Variants in DDIAS observed in about 807,000 individuals in gnomAD.
DDIAS encodes DNA damage-induced apoptosis suppressor protein.
DDIAS carries 14 observed loss-of-function variants against 15.7 expected under a neutral mutation model. The observed-to-expected ratio is 0.89, with a 90% CI of 0.59 to 1.39. The LOEUF (loss-of-function observed/expected upper bound fraction) is 1.39, where lower values mean the gene tolerates loss of function less well. DDIAS is among the 40% of genes most tolerant of loss of function. The probability of loss-of-function intolerance (pLI) is 0.00; values close to 1 mark genes in which losing one functional copy is unlikely to be tolerated. For synonymous variants in DDIAS, 355 were observed against 395.9 expected (o/e 0.90, Z 1.23); for missense variants, 1,035 against 1,130.9 (o/e 0.92, Z 1.22).
rs1861047348 is a variant in DDIAS, at chr11:82,933,505, C to G, written c.2167C>G (p.Leu723Val). 1.9e-6 allele frequency: 3 copies of G among 1,613,990 alleles called. No homozygotes were observed. The highest frequency in any genetic ancestry group is 2.5e-6 in the Non-Finnish European group (3 of 1,179,976). Reference sequence around the variant, plus strand: ...AGAGTCTGATTTTTCACTGAGATCACTTTCTGAAGACTTCATCCAGCCTTC... The same window carrying G: ...AGAGTCTGATTTTTCACTGAGATCAGTTTCTGAAGACTTCATCCAGCCTTC... ...PSESDFSLRS[L>V]SEDFIQPSQK... Residue 723 changes from leucine (L) to valine (V), a missense_variant, in exon 6 of 6, where the codon CTT becomes GTT. Transcript: ENST00000533655.
intron 1 of DDIAS, among the ~76,000 whole-genome samples, chr11:82,910,845 A>G (rs1860519989): frequency 6.6e-6 from 1 of 151,880 alleles, no homozygotes; most frequent in African/African-American, 2.4e-5. Flanking sequence ...TTTTAAAAAG[A>G]AAGTATAAAG....
intron 3 of DDIAS, among the ~76,000 whole-genome samples, chr11:82,922,876 G>A (rs562849011): frequency 1.6e-4 from 25 of 152,262 alleles, no homozygotes; most frequent in African/African-American, 6.0e-4. Context: ...TGTCCCACAG[G>A]ATGTTCCCTT....
At chr11:82,910,592 T>TTCTCTCTC (rs201976654) in intron 1 of DDIAS, among the ~76,000 whole-genome samples, 152 of 139,364 alleles carry the variant, frequency 1.1e-3, no homozygotes, top group African/African-American at 4.2e-3. Flanking sequence ...TTTTAATTTT[T>TTCTCTCTC]TCTCTCTCTC....
chr11:82,924,513 C>T (rs886257309), intron 3 of DDIAS, among the ~76,000 whole-genome samples: 1 of 152,142 alleles, frequency 6.6e-6, no homozygotes, highest in Non-Finnish European at 1.5e-5. Flanking sequence ...TATAAGTACG[C>T]TAGAAAAATA....
At chr11:82,930,754 A>AG (rs112089118) in intron 5 of DDIAS, among the ~76,000 whole-genome samples, 16 of 150,862 alleles carry the variant, frequency 1.1e-4, no homozygotes, top group African/African-American at 3.6e-4. Context: ...GTTAAAAAAA[A>AG]AAGAAGTTAC....
chr11:82,920,842 G>A (rs1435633332), intron 3 of DDIAS, among the ~76,000 whole-genome samples: 3 of 152,166 alleles, frequency 2.0e-5, no homozygotes, highest in Non-Finnish European at 4.4e-5. Flanking sequence ...AATAGAATGT[G>A]TAATCTGCGG....
intron 3 of DDIAS, among the ~76,000 whole-genome samples, chr11:82,926,114 G>T (rs1860857208): frequency 7.9e-6 from 1 of 126,758 alleles, no homozygotes; most frequent in Non-Finnish European, 1.6e-5. Context: ...TTGAGACAGG[G>T]TCTGGCTCTG....
Position 82,931,719 on chromosome 11 carries a change from GCTT to G in DDIAS, c.394-9_394-7del. 2 of 1,562,212 alleles carry G rather than the reference GCTT, an allele frequency of 1.3e-6. No homozygotes were observed. Among genetic ancestry groups the G allele is most frequent in the Non-Finnish European group, 1.7e-6 (2 of 1,158,862 alleles). On this transcript the variant is annotated splice_polypyrimidine_tract_variant and intron_variant, in intron 5 of 5. Coordinates refer to ENST00000533655, the MANE Select transcript of DDIAS (RefSeq NM_145018.4). ...ATTTTATTCTTACTTAAATTTCTTT[GCTT>G]CTTTCACAGAATTTTGAAAACCAAC...
chr11:82,904,061 G>A (rs1310902398), intron 1 of DDIAS, among the ~76,000 whole-genome samples: 1 of 152,216 alleles, frequency 6.6e-6, no homozygotes, highest in Non-Finnish European at 1.5e-5. Flanking sequence ...GAAGGCATGA[G>A]TTCCAGACCT....
intron 1 of DDIAS, among the ~76,000 whole-genome samples, chr11:82,904,013 A>G (rs1018008641): frequency 6.6e-6 from 1 of 152,254 alleles, no homozygotes; most frequent in African/African-American, 2.4e-5. Context: ...TTGAGCAAAG[A>G]GAGTAATGGA....
chr11:82,917,269 C>T (rs1860651045), intron 3 of DDIAS, among the ~76,000 whole-genome samples: 1 of 151,978 alleles, frequency 6.6e-6, no homozygotes, highest in Admixed American at 6.6e-5. Context: ...TACACTGCAC[C>T]CTATTTGTAG....
Position 82,932,183 on chromosome 11 carries a change from C to A in DDIAS, c.845C>A (p.Ala282Asp). Residue 282 changes from alanine to aspartate, a missense_variant, in exon 6 of 6, where the codon GCC (alanine) becomes GAC (aspartate). By Grantham distance (126) the Ala-to-Asp change is moderately radical. Transcript: ENST00000533655. Reference sequence around the variant, plus strand: ...AGAAAGTCCATCTCCATTGCAGAGGCCACTGGTTCCAGTAGCTGCCATGAT... The same window carrying A: ...AGAAAGTCCATCTCCATTGCAGAGGACACTGGTTCCAGTAGCTGCCATGAT... Reference protein sequence around the residue: ...QNRKSISIAEATGSSSCHDPI... With the variant: ...QNRKSISIAEDTGSSSCHDPI... The A allele has an allele frequency of 6.2e-7, 1 of 1,614,160 alleles. No individual in the cohort carries two copies.
intron 4 of DDIAS, 115 bp from the exon 5 acceptor site, chr11:82,930,038 CTTTT>C: frequency 1.7e-6 from 1 of 600,738 alleles, no homozygotes. Context: ...CTTAAAGTCA[CTTTT>C]TTTCCTCTAT....
In DDIAS at chr11:82,932,273, G is replaced by A; in HGVS notation, c.935G>A (p.Gly312Asp). Residue 312 changes from glycine (G) to aspartate (D), a missense_variant, in exon 6 of 6, where the codon GGT becomes GAT. Physicochemically the swap from Gly to Asp is moderately conservative, Grantham distance 94. Transcript: ENST00000533655. Reference protein sequence around the residue: ...MDKKSTAEKLGKELGLQAKEL... With the variant: ...MDKKSTAEKLDKELGLQAKEL... The stretch of plus-strand genomic sequence containing the variant: ...AAAAAGAGTACAGCAGAAAAGTTGG[G>A]TAAAGAACTTGGCTTACAAGCTAAG... 1.2e-6 allele frequency: 2 copies of A among 1,613,702 alleles called. No homozygotes were observed. The highest frequency in any genetic ancestry group is 2.7e-5 in the African/African-American group (2 of 75,018).
chr11:82,924,187 G>C lies in DDIAS; in HGVS notation c.114-4590G>C, dbSNP rs182636991. On this transcript the variant is annotated intron_variant, in intron 3 of 5. Transcript: ENST00000533655. ...AGTTTTCTTACTTTGTGGGGGAAGT[G>C]ATATGTGGAAGCATTAAGAGATATG... Among the ~76,000 whole-genome samples the C allele has an allele frequency of 5.9e-5, 9 of 152,294 alleles. No homozygotes were observed. The East Asian group carries it at 1.7e-3, about 29-fold the overall frequency.
At chr11:82,928,368 T>G (rs1860912413) in intron 3 of DDIAS, among the ~76,000 whole-genome samples, 1 of 151,488 alleles carries the variant, frequency 6.6e-6, no homozygotes, top group South Asian at 2.1e-4. Context: ...CCATCTAATT[T>G]TTATGTATTT....
At chr11:82,925,903 G>T (rs1020799928) in intron 3 of DDIAS, among the ~76,000 whole-genome samples, 174 of 151,202 alleles carry the variant, frequency 1.2e-3, no homozygotes, top group African/African-American at 3.9e-3. Flanking sequence ...CAGGAGAATC[G>T]CCTGAACCCA....
At position 82,932,097 on chromosome 11, in the gene DDIAS, AG is replaced by A. The variant is rs1861002359; in HGVS notation, c.760del (p.Asp254IlefsTer69). ...EFTCIVSQLT[D>X]NDDFSASEQS... ...TCACTTGCATTGTTTCACAACTAAC[AG>A]ATAATGATGATTTTTCAGCTTCAGA... is the stretch of plus-strand genomic sequence containing the variant. On this transcript the variant is annotated frameshift_variant, in exon 6 of 6. Transcript: ENST00000533655. LOFTEE classifies it low-confidence loss of function (END_TRUNC). The A allele has an allele frequency of 6.2e-7, 1 of 1,614,066 alleles. No homozygotes were observed. Among genetic ancestry groups the A allele is most frequent in the Non-Finnish European group, 8.5e-7 (1 of 1,180,022 alleles).
At position 82,914,765 on chromosome 11, in the gene DDIAS, A is replaced by G. The variant is rs1860599274; in HGVS notation, c.27A>G (p.Leu9=). The change falls in exon 3 of 6, where the codon CTA becomes CTG. Residue 9 remains leucine, a synonymous_variant. Coordinates refer to ENST00000533655, the MANE Select transcript of DDIAS (RefSeq NM_145018.4). MNRRRKFL[L]ASVLALQNSS... ...TGAACAGAAGACGAAAATTTCTTCT[A>G]GCCTCAGTACTTGCTCTCCAGAATT... The G allele has an allele frequency of 1.2e-6, 2 of 1,609,348 alleles. No homozygotes were observed. The highest frequency in any genetic ancestry group is 1.7e-6 in the Non-Finnish European group (2 of 1,175,858).
Sources: allele counts gnomAD v4.1 joint callset (sites outside exome capture counted in the v4.1 genomes callset), GRCh38; gene constraint gnomAD v4.1.1; transcripts MANE v1.5; gene names NCBI Gene and HGNC (gene_info 2026-07-23, HGNC 2026-07-21).